SLC19A1: variants seen among roughly 807,000 people sequenced by gnomAD.
The protein encoded by SLC19A1 is solute carrier family 19 member 1, also known as reduced folate transporter.
Under a neutral mutation model 35.3 loss-of-function variants are expected in SLC19A1, and 37 were observed. The ratio of observed to expected loss-of-function variants is 1.05; its 90% confidence interval spans 0.81 to 1.38. SLC19A1 has a LOEUF of 1.38. Among genes scored for constraint, SLC19A1 ranks in the 40% most tolerant of loss-of-function variants. The pLI is 0.00. For missense variants in SLC19A1, 831 were observed against 826.9 expected (o/e 1.00, Z -0.06); for synonymous variants, 460 against 398.5 (o/e 1.15, Z -1.84).
Position 45,531,938 on chromosome 21 carries a change from T to A in SLC19A1, c.400A>T (p.Ile134Phe). The change falls in exon 3 of 6, where the codon ATC becomes TTC. Residue 134 changes from isoleucine (I) to phenylalanine (F), a missense_variant. Ile to Phe is a conservative substitution (Grantham distance 21, BLOSUM62 0). Coordinates refer to ENST00000311124, the MANE Select transcript of SLC19A1 (RefSeq NM_194255.4). ...GAGAAGATGTAGGAGGAATAGGCGA[T>A]GCGCGCGGCCATGGTGACGCTGTAG... ...LFYSVTMAAR[I>F]AYSSYIFSLV... 2 of 1,602,690 alleles carry A rather than the reference T, an allele frequency of 1.2e-6. No individual in the cohort carries two copies. Among genetic ancestry groups the A allele is most frequent in the Non-Finnish European group, 1.7e-6 (2 of 1,175,432 alleles).
rs555787072 is a variant in SLC19A1 at position 45,552,164 on chromosome 21, C to T, written c.-50+10578G>A. 5.3e-5 allele frequency among the ~76,000 whole-genome samples: 8 copies of T among 152,292 alleles called. No homozygotes were observed. In the South Asian group the frequency reaches 1.4e-3, roughly 28 times the overall value. On this transcript the variant is annotated intron_variant, in intron 1 of 5. Transcript: ENST00000650808. ...CTCCTCAGGAGGAGACAGTGATGAC[C>T]CCAGGGAGTGGGTGAGGCCACTGTC...
At chr21:45,512,338 C>A, downstream of SLC19A1, 1 of 1,612,692 alleles carries the variant, frequency 6.2e-7, no homozygotes, top group Non-Finnish European at 8.5e-7. Context: ...GTGCCGCGAG[C>A]TGCCATCACG....
Position 45,534,517 on chromosome 21 carries a change from G to T in SLC19A1, c.190-2369C>A, listed in dbSNP as rs1197525483. On this transcript the variant is annotated intron_variant, in intron 2 of 5. Transcript: ENST00000311124. This position sits in a 1 kb window ranked among gnomAD's most constrained non-coding sequence, Gnocchi z 4.2. ...GGCTCTCTGGAAAAGGGCGGCCAGG[G>T]GTCCTAGAAGCCTCACCCACCTCCG... is the stretch of plus-strand genomic sequence containing the variant. 2 of 1,522,942 alleles carry T rather than the reference G, an allele frequency of 1.3e-6. No individual in the cohort carries two copies. The highest frequency in any genetic ancestry group is 1.4e-5 in the African/African-American group (1 of 72,878). 94.3% of individuals were successfully genotyped at this position (1,522,942 alleles called of 1,614,324 possible).
At position 45,512,632 on chromosome 21, in the gene SLC19A1, C is replaced by T; in HGVS notation, c.*3026G>A. 1 of 583,690 alleles carries T rather than the reference C, an allele frequency of 1.7e-6. No homozygotes were observed. The highest frequency in any genetic ancestry group is 2.0e-5 in the South Asian group (1 of 50,394). 36.2% of individuals were successfully genotyped at this position (583,690 alleles called of 1,614,324 possible). A position where few individuals can be genotyped will look rare whatever the true frequency, so the allele number is the denominator to read the frequency against. ...TTCACCTGCCCCAACTCTCCCCTGACCTGTGAGCCCAGCTGGGTCAGGCAG... is the reference window on the plus strand; with the variant it reads ...TTCACCTGCCCCAACTCTCCCCTGATCTGTGAGCCCAGCTGGGTCAGGCAG... On this transcript the variant is annotated 3_prime_UTR_variant, in exon 6 of 6. Transcript: ENST00000311124.
chr21:45,505,247 G>GGC, intron 3 of SLC19A1: 4 of 1,574,256 alleles, frequency 2.5e-6, no homozygotes, highest in African/African-American at 3.0e-5. Flanking sequence ...GCCCCCCAGG[G>GGC]CCCCCTTCAT....
In SLC19A1 at chr21:45,516,110, G is replaced by C. The variant is rs758821447; in HGVS notation, c.1324C>G (p.Leu442Val). The C allele has an allele frequency of 6.2e-6, 10 of 1,608,126 alleles. No individual in the cohort carries two copies. The Admixed American group carries it at 6.8e-5, about 11-fold the overall frequency. ...FQLYSVYFLI[L>V]SIIYFLGAML... ...GCCCCCAAGAAGTAGATGATGGACAGGATCAGGAAGTACACGGAGTATAAC... is the reference window on the plus strand; with the variant it reads ...GCCCCCAAGAAGTAGATGATGGACACGATCAGGAAGTACACGGAGTATAAC... Residue 442 changes from leucine to valine, a missense_variant, in exon 6 of 6, where the codon CTG becomes GTG. Leu to Val is a conservative substitution (Grantham distance 32). Coordinates refer to ENST00000311124, the MANE Select transcript of SLC19A1 (RefSeq NM_194255.4).
Position 45,537,889 on chromosome 21 carries a change from G to T in SLC19A1, c.71C>A (p.Ser24Tyr). 1 of 1,600,660 alleles carries T rather than the reference G, an allele frequency of 6.2e-7. No individual in the cohort carries two copies. The highest frequency in any genetic ancestry group is 1.3e-5 in the African/African-American group (1 of 74,966). The stretch of plus-strand genomic sequence containing the variant: ...AAGGTAGCACACGAGGTGCCGCCAG[G>T]ACCGGAGCTCGGGGTCAGGCCCAGG... ...VEPGPDPELR[S>Y]WRHLVCYLCF... is the part of the protein sequence containing the mutation. The change falls in exon 2 of 6, where the codon TCC becomes TAC. Residue 24 changes from serine (S) to tyrosine (Y), a missense_variant. Physicochemically the swap from Ser to Tyr is moderately radical, Grantham distance 144. Coordinates refer to ENST00000311124, the MANE Select transcript of SLC19A1 (RefSeq NM_194255.4).
At chr21:45,541,787 CG>C (rs1376226115) in intron 1 of SLC19A1, 4 of 152,186 alleles carry the variant, frequency 2.6e-5, no homozygotes, top group African/African-American at 7.2e-5. Flanking sequence ...GTTCACCCAC[CG>C]GCTGGCCCGT....
chr21:45,504,300 C>A, intron 3 of SLC19A1: 1 of 1,094,016 alleles, frequency 9.1e-7, no homozygotes, highest in Non-Finnish European at 1.3e-6. Flanking sequence ...GCCAGCAGCT[C>A]CCAGGCCTGG....
At chr21:45,543,329 G>A (rs1343795350), upstream of SLC19A1, among the ~76,000 whole-genome samples, 1 of 152,232 alleles carries the variant, frequency 6.6e-6, no homozygotes, top group Non-Finnish European at 1.5e-5. Flanking sequence ...TATGGGGAGG[G>A]AAGCCAAGCC....
intron 1 of SLC19A1, among the ~76,000 whole-genome samples, chr21:45,549,948 C>T (rs2078449699): frequency 6.6e-6 from 1 of 152,080 alleles, no homozygotes; most frequent in Non-Finnish European, 1.5e-5. Context: ...AGACCCTCAT[C>T]TCTGCCCCTT....
upstream of SLC19A1, among the ~76,000 whole-genome samples, chr21:45,545,493 C>T (rs986413370): frequency 6.6e-6 from 1 of 152,042 alleles, no homozygotes; most frequent in Non-Finnish European, 1.5e-5. Context: ...ACCATGCTTC[C>T]TGTACAGCCT....
downstream of SLC19A1, among the ~76,000 whole-genome samples, chr21:45,511,669 C>T (rs759683603): frequency 3.3e-5 from 5 of 152,110 alleles, no homozygotes; most frequent in Non-Finnish European, 5.9e-5. Context: ...GCTGTGCCCT[C>T]CCCACGTGAG....
downstream of SLC19A1, chr21:45,512,329 T>C (rs2146152463): frequency 6.2e-7 from 1 of 1,612,452 alleles, no homozygotes; most frequent in South Asian, 1.1e-5. Context: ...TGGGGCAGAG[T>C]GCCGCGAGCT....
At position 45,505,420 on chromosome 21, in the gene SLC19A1, G is replaced by A. The variant is rs367825934; in HGVS notation, c.498-6808C>T. The A allele has an allele frequency of 8.6e-5, 133 of 1,551,092 alleles. 1 individual carries two copies. In the African/African-American group the frequency reaches 1.0e-3, roughly 12 times the overall value. On this transcript the variant is annotated intron_variant, in intron 3 of 4. Transcript: ENST00000417954. The stretch of plus-strand genomic sequence containing the variant: ...CCCTGGGCCCCCTGGAACCATGGGC[G>A]CCTCCTCAGGGGTAAGTGTCTGGGC...
At chr21:45,504,428 G>A (rs552269448) in intron 3 of SLC19A1, 4 of 1,611,786 alleles carry the variant, frequency 2.5e-6, no homozygotes, top group South Asian at 1.1e-5. Flanking sequence ...GGAGAAGGGA[G>A]ACCGAGGTGA....
At chr21:45,548,804 A>C (rs984871315), upstream of SLC19A1, among the ~76,000 whole-genome samples, 2 of 152,218 alleles carry the variant, frequency 1.3e-5, no homozygotes, top group African/African-American at 4.8e-5. Flanking sequence ...AAGACGTGAA[A>C]ATGTACCTAA....
rs1020422649 is a variant in SLC19A1 at position 45,531,867 on chromosome 21, G to A, written c.471C>T (p.Arg157=). The change falls in exon 3 of 6, where the codon CGC becomes CGT. Residue 157 remains arginine, a synonymous_variant. Transcript: ENST00000311124. ...TGAACACGCCCAGCAGCACCGCAGC[G>A]CGCGAGTAGCCGGCCACACGCTGGT... is the stretch of plus-strand genomic sequence containing the variant. ...ARYQRVAGYS[R]AAVLLGVFTS... is the part of the protein sequence containing the mutation. 1.3e-6 allele frequency: 2 copies of A among 1,584,942 alleles called. No individual in the cohort carries two copies. Among genetic ancestry groups the A allele is most frequent in the Non-Finnish European group, 1.7e-6 (2 of 1,166,356 alleles).
In SLC19A1 at chr21:45,505,979, T is replaced by C. The variant is rs377411702; in HGVS notation, c.498-7367A>G. The C allele has an allele frequency of 9.3e-6, 15 of 1,612,814 alleles. No individual in the cohort carries two copies. Among genetic ancestry groups the C allele is most frequent in the Non-Finnish European group, 1.2e-5 (14 of 1,179,910 alleles). ...CCGGAAGGTCCAGGTGAGCGCTCTG[T>C]GTGACGGGTTCTGGACCCGTGGAAG... On this transcript the variant is annotated intron_variant, in intron 3 of 4. Transcript: ENST00000417954.
Sources: allele counts gnomAD v4.1 joint callset (sites outside exome capture counted in the v4.1 genomes callset), GRCh38; gene constraint gnomAD v4.1.1; non-coding constraint Gnocchi (gnomAD v3.1); transcripts MANE v1.5; gene names NCBI Gene and HGNC (gene_info 2026-07-23, HGNC 2026-07-21).